The following CABCOCO1 variants were observed in gnomAD, a reference collection of about 807,000 sequenced individuals.
CABCOCO1 encodes the protein ciliary-associated calcium-binding coiled-coil protein 1.
A neutral mutation model predicts 35.7 loss-of-function variants in CABCOCO1; 28 were observed. That is an observed-to-expected ratio of 0.78 (90% CI 0.58 to 1.07). The LOEUF is 1.07. CABCOCO1 is among the 50% of genes least tolerant of loss of function. The pLI, the probability that CABCOCO1 is intolerant of heterozygous loss-of-function variation, is 0.00. For missense variants in CABCOCO1, 326 were observed against 309.2 expected, an observed-to-expected ratio of 1.05 and a Z score of -0.41; for synonymous variants, 95 against 100.1, an observed-to-expected ratio of 0.95 and a Z score of 0.30.
chr10:61,717,178 C>A (rs1324295503), intron 5 of CABCOCO1, among the ~76,000 whole-genome samples: 1 of 151,944 alleles, frequency 6.6e-6, no homozygotes, highest in Non-Finnish European at 1.5e-5. Flanking sequence ...ATCCTATAGA[C>A]CTGAAGAGCT....
chr10:61,724,628 T>C (rs1841099758), intron 5 of CABCOCO1, among the ~76,000 whole-genome samples: 2 of 152,232 alleles, frequency 1.3e-5, no homozygotes, highest in South Asian at 4.1e-4. Context: ...TGGGAAGGCC[T>C]TTGAAAATGT....
At chr10:61,702,608 C>CT (rs1840488150) in intron 5 of CABCOCO1, among the ~76,000 whole-genome samples, 2 of 151,884 alleles carry the variant, frequency 1.3e-5, no homozygotes, top group South Asian at 2.1e-4. Flanking sequence ...TTATTGATCG[C>CT]TTTTTTTAAA....
intron 5 of CABCOCO1, among the ~76,000 whole-genome samples, chr10:61,730,284 G>A (rs1054033393): frequency 7.2e-5 from 11 of 152,008 alleles, no homozygotes; most frequent in African/African-American, 2.7e-4. Flanking sequence ...AGAATGATGG[G>A]ATCTTGCCCA....
intron 2 of CABCOCO1, among the ~76,000 whole-genome samples, chr10:61,673,453 A>T (rs1408990135): frequency 6.6e-6 from 1 of 152,130 alleles, no homozygotes; most frequent in Non-Finnish European, 1.5e-5. Context: ...GATGTCATGC[A>T]CTAGCATCTT....
At chr10:61,750,781 C>T (rs1841764100) in intron 5 of CABCOCO1, among the ~76,000 whole-genome samples, 1 of 152,148 alleles carries the variant, frequency 6.6e-6, no homozygotes, top group South Asian at 2.1e-4. Flanking sequence ...TGTAGCTGGT[C>T]TAACAAACTA....
chr10:61,761,499 C>A (rs943277274), intron 7 of CABCOCO1, among the ~76,000 whole-genome samples: 4 of 151,942 alleles, frequency 2.6e-5, no homozygotes, highest in Admixed American at 6.6e-5. Flanking sequence ...TGGCAGCAGC[C>A]GTATGAATAG....
chr10:61,757,595 C>T, intron 5 of CABCOCO1, among the ~76,000 whole-genome samples: 1 of 151,930 alleles, frequency 6.6e-6, no homozygotes, highest in South Asian at 2.1e-4. Context: ...AACTCTCAGT[C>T]AGAACTTCAG....
chr10:61,739,947 A>G (rs549434161), intron 5 of CABCOCO1, among the ~76,000 whole-genome samples: 1 of 152,376 alleles, frequency 6.6e-6, no homozygotes, highest in African/African-American at 2.4e-5. Context: ...GTCTCAAAAA[A>G]AAAATTATAA....
At chr10:61,724,443 A>G (rs910712632) in intron 5 of CABCOCO1, among the ~76,000 whole-genome samples, 1 of 152,242 alleles carries the variant, frequency 6.6e-6, no homozygotes, top group African/African-American at 2.4e-5. Flanking sequence ...TTGTAGCACA[A>G]TAAAGAGTTT....
chr10:61,701,218 T>C (rs911961356), intron 5 of CABCOCO1, among the ~76,000 whole-genome samples: 1 of 152,158 alleles, frequency 6.6e-6, no homozygotes, highest in Non-Finnish European at 1.5e-5. Flanking sequence ...CAGCTTAAAT[T>C]ACCAAAGTTT....
chr10:61,735,561 T>C (rs1841398110), intron 5 of CABCOCO1, among the ~76,000 whole-genome samples: 1 of 152,158 alleles, frequency 6.6e-6, no homozygotes, highest in African/African-American at 2.4e-5. Context: ...TTCAAAGAGT[T>C]CACCTTATAG....
At chr10:61,756,680 T>C (rs1036331829) in intron 5 of CABCOCO1, among the ~76,000 whole-genome samples, 1 of 152,074 alleles carries the variant, frequency 6.6e-6, no homozygotes, top group African/African-American at 2.4e-5. Flanking sequence ...AATCAGAAAC[T>C]CCTGATTTTT....
intron 2 of CABCOCO1, among the ~76,000 whole-genome samples, chr10:61,680,711 G>GTATAACATATATATGTTATACATT (rs1839757917): frequency 1.1e-5 from 1 of 88,948 alleles, no homozygotes; most frequent in Non-Finnish European, 2.1e-5. Context: ...TGTTATACAT[G>GTATAACATATATATGTTATACATT]TATAACATAT....
chr10:61,719,762 A>T (rs1840954156), intron 5 of CABCOCO1, among the ~76,000 whole-genome samples: 1 of 152,036 alleles, frequency 6.6e-6, no homozygotes, highest in African/African-American at 2.4e-5. Context: ...TCTAACAGAA[A>T]TACAAAAAAT....
At chr10:61,691,858 G>A (rs1331117509) in intron 5 of CABCOCO1, among the ~76,000 whole-genome samples, 1 of 152,136 alleles carries the variant, frequency 6.6e-6, no homozygotes, top group Admixed American at 6.5e-5. Flanking sequence ...ATTCCATGGT[G>A]TATATGTGCC....
chr10:61,708,118 C>T (rs1840637554), intron 5 of CABCOCO1, among the ~76,000 whole-genome samples: 2 of 151,416 alleles, frequency 1.3e-5, no homozygotes, highest in South Asian at 4.2e-4. Context: ...ACATCTTATA[C>T]TATAACCTTG....
At chr10:61,697,922 G>A (rs1387608331) in intron 5 of CABCOCO1, among the ~76,000 whole-genome samples, 2 of 151,710 alleles carry the variant, frequency 1.3e-5, no homozygotes, top group African/African-American at 4.8e-5. Flanking sequence ...ATATAAACTA[G>A]GTTTACTAAA....
chr10:61,676,036 C>G (rs1405548825), intron 2 of CABCOCO1, among the ~76,000 whole-genome samples: 4 of 152,118 alleles, frequency 2.6e-5, no homozygotes, highest in African/African-American at 9.7e-5. Context: ...GTCACCTAAA[C>G]AGGAAAATAA....
chr10:61,673,945 TTTCCAGGTAACCCCAAATGTTA>T (rs1839434534), intron 2 of CABCOCO1, among the ~76,000 whole-genome samples: 1 of 152,216 alleles, frequency 6.6e-6, no homozygotes, highest in African/African-American at 2.4e-5. Context: ...TTATTTTCCA[TTTCCAGGTAACCCCAAATGTTA>T]TTGATCATTG....
Sources: allele counts gnomAD v4.1 joint callset (sites outside exome capture counted in the v4.1 genomes callset), GRCh38; gene constraint gnomAD v4.1.1; transcripts MANE v1.5; gene names NCBI Gene and HGNC (gene_info 2026-07-23, HGNC 2026-07-21).